Variants in PRKG1 observed in about 807,000 individuals in gnomAD.
PRKG1 encodes the protein cGMP-dependent protein kinase 1.
Under a neutral mutation model 88.1 loss-of-function variants are expected in PRKG1, and 35 were observed. The ratio of observed to expected loss-of-function variants is 0.40; its 90% CI spans 0.30 to 0.53. PRKG1 has a LOEUF of 0.53. Ranked by LOEUF, PRKG1 falls within the 20% of genes least tolerant of loss-of-function variation. PRKG1 has a pLI of 0.59. For synonymous variants in PRKG1, 303 were observed against 292.5 expected (o/e 1.04, Z -0.37); for missense variants, 540 against 839.8 (o/e 0.64, Z 4.41).
intron 7 of PRKG1, among the ~76,000 whole-genome samples, chr10:52,080,500 C>A (rs570552238): frequency 4.6e-5 from 7 of 152,040 alleles, no homozygotes; most frequent in Middle Eastern, 3.4e-3. Context: ...TATTTTTCTT[C>A]TCAAAATATG....
intron 12 of PRKG1, among the ~76,000 whole-genome samples, chr10:52,273,792 G>A (rs1460128681): frequency 1.3e-5 from 2 of 152,102 alleles, no homozygotes; most frequent in East Asian, 1.9e-4. Context: ...TATATATTAT[G>A]TATTATTGCT....
At chr10:51,888,254 G>A (rs10823823) in intron 4 of PRKG1, among the ~76,000 whole-genome samples, 63,207 of 151,982 alleles carry the variant, frequency 0.42, 13,471 homozygotes, top group East Asian at 0.62. Context: ...GGGGAATGTT[G>A]GCCAATAATG....
intron 3 of PRKG1, among the ~76,000 whole-genome samples, chr10:51,632,162 C>T (rs907803576): frequency 4.6e-5 from 7 of 151,878 alleles, no homozygotes; most frequent in Middle Eastern, 3.4e-3. Context: ...ATATGTGTGG[C>T]CCAAGACAGT....
chr10:51,092,726 AAAG>A (rs139614605), intron 1 of PRKG1, among the ~76,000 whole-genome samples: 13,070 of 152,140 alleles, frequency 0.086, 1,801 homozygotes, highest in African/African-American at 0.29. Flanking sequence ...GTGAGAGAAT[AAAG>A]AATAGTCTTA....
intron 5 of PRKG1, among the ~76,000 whole-genome samples, chr10:52,005,159 C>T (rs2454535): frequency 0.23 from 34,924 of 151,832 alleles, 4,650 homozygotes; most frequent in Admixed American, 0.31. Flanking sequence ...ATTAATACCA[C>T]CCTGGAGAAA....
At position 51,204,367 on chromosome 10, in the gene PRKG1, C is replaced by CGTGT. The variant is rs34624885; in HGVS notation, c.478+51068_478+51071dup. Among the ~76,000 whole-genome samples the CGTGT allele has an allele frequency of 3.9e-3, 575 of 145,964 alleles. 3 individuals carry two copies. Among genetic ancestry groups the CGTGT allele is most frequent in the African/African-American group, 9.9e-3 (392 of 39,550 alleles). ...TATTTAGATTATTTGAGTAGACCTCCGTGTGTGTGTGTGTGTGTGTGTGTG... is the reference window on the plus strand; with the variant it reads ...TATTTAGATTATTTGAGTAGACCTCCGTGTGTGTGTGTGTGTGTGTGTGTGTGTG... On this transcript the variant is annotated intron_variant, in intron 2 of 17. Coordinates refer to ENST00000373980, the MANE Select transcript of PRKG1 (RefSeq NM_006258.4).
At chr10:51,840,900 T>C (rs1345809770) in intron 4 of PRKG1, among the ~76,000 whole-genome samples, 1 of 152,148 alleles carries the variant, frequency 6.6e-6, no homozygotes, top group Non-Finnish European at 1.5e-5. Flanking sequence ...ATAACACTTA[T>C]AAAAAACAAA....
chr10:51,127,964 G>T (rs1014095563), intron 1 of PRKG1, among the ~76,000 whole-genome samples: 8 of 151,954 alleles, frequency 5.3e-5, no homozygotes, highest in Admixed American at 3.3e-4. Context: ...GTTCAGGGGT[G>T]GGGGGCAAGG....
intron 9 of PRKG1, among the ~76,000 whole-genome samples, chr10:52,245,213 C>G (rs540790343): frequency 1.3e-4 from 19 of 151,766 alleles, no homozygotes; most frequent in Non-Finnish European, 1.9e-4. Context: ...GTTCTTACTC[C>G]TTTTTCAAAC....
chr10:51,473,399 T>A (rs1046374139), intron 3 of PRKG1, among the ~76,000 whole-genome samples: 1 of 151,786 alleles, frequency 6.6e-6, no homozygotes, highest in Non-Finnish European at 1.5e-5. Flanking sequence ...TGAGAAGATT[T>A]TTTTCCTTAG....
At chr10:51,729,448 G>A (rs1319231727) in intron 3 of PRKG1, among the ~76,000 whole-genome samples, 1 of 151,978 alleles carries the variant, frequency 6.6e-6, no homozygotes, top group African/African-American at 2.4e-5. Flanking sequence ...GACTGGGCAC[G>A]GTGGCTCACA....
At chr10:51,539,465 A>G (rs1369734851) in intron 3 of PRKG1, among the ~76,000 whole-genome samples, 1 of 152,184 alleles carries the variant, frequency 6.6e-6, no homozygotes. Flanking sequence ...TCTCCCAAAT[A>G]GGGATTTCAT....
intron 1 of PRKG1, among the ~76,000 whole-genome samples, chr10:51,019,576 A>C (rs187085475): frequency 6.6e-6 from 1 of 152,256 alleles, no homozygotes; most frequent in East Asian, 1.9e-4. Context: ...GCTTCAAAAC[A>C]CTGGATTTGG....
intron 7 of PRKG1, chr10:52,125,775 ATAT>A (rs1847917700): frequency 1.3e-5 from 2 of 152,208 alleles, no homozygotes; most frequent in Non-Finnish European, 2.9e-5. Context: ...CAACCTCACC[ATAT>A]GACCTTTTTT....
rs183911969 is a variant in PRKG1, at chr10:51,397,071, T to G, written c.479-70652T>G. On this transcript the variant is annotated intron_variant, in intron 2 of 17. Coordinates refer to ENST00000373980, the MANE Select transcript of PRKG1 (RefSeq NM_006258.4). ...AGGCAGCCAGCCCATGAATCGGAGT[T>G]GCTGTTTTGATTTTTTTTAAATATT... 2.0e-5 allele frequency among the ~76,000 whole-genome samples: 3 copies of G among 152,148 alleles called. No homozygotes were observed. The East Asian group carries it at 5.8e-4, about 29-fold the overall frequency.
At chr10:52,034,201 C>A (rs1845545872) in intron 5 of PRKG1, among the ~76,000 whole-genome samples, 1 of 151,852 alleles carries the variant, frequency 6.6e-6, no homozygotes, top group Admixed American at 6.6e-5. Flanking sequence ...GGCTCAGAGG[C>A]CTGACATTCC....
At chr10:51,570,204 G>T (rs984290838) in intron 3 of PRKG1, among the ~76,000 whole-genome samples, 1 of 151,362 alleles carries the variant, frequency 6.6e-6, no homozygotes, top group East Asian at 1.9e-4. Flanking sequence ...CGCACAGCCC[G>T]CACAGCTGAA....
chr10:51,236,946 C>A (rs890645937), intron 2 of PRKG1, among the ~76,000 whole-genome samples: 10 of 152,192 alleles, frequency 6.6e-5, no homozygotes, highest in Non-Finnish European at 1.5e-4. Context: ...CAAGGCTCTT[C>A]CTGATGTGAA....
intron 3 of PRKG1, among the ~76,000 whole-genome samples, chr10:51,675,366 T>G (rs1440257029): frequency 2.6e-5 from 4 of 152,216 alleles, no homozygotes; most frequent in Non-Finnish European, 5.9e-5. Context: ...CATGTCTTGC[T>G]GACCTTGTTG....
Sources: allele counts gnomAD v4.1 joint callset (sites outside exome capture counted in the v4.1 genomes callset), GRCh38; gene constraint gnomAD v4.1.1; transcripts MANE v1.5; gene names NCBI Gene and HGNC (gene_info 2026-07-23, HGNC 2026-07-21).